TMEM74: variants seen among roughly 807,000 people sequenced by gnomAD.
TMEM74 encodes transmembrane protein 74.
In TMEM74, 13 loss-of-function variants were observed where a neutral mutation model predicts 18.1. That is an observed-to-expected ratio of 0.72 (90% CI 0.47 to 1.14). TMEM74 has a LOEUF of 1.14. TMEM74 is among the 50% of genes most tolerant of loss of function. TMEM74 has a pLI of 0.00. For synonymous variants in TMEM74, 159 were observed against 146.6 expected, an observed-to-expected ratio of 1.08 and a Z score of -0.61; for missense variants, 372 against 375.9, an observed-to-expected ratio of 0.99 and a Z score of 0.09.
At chr8:108,652,447 A>T (rs1361753335) in intron 2 of TMEM74, 1 of 354,734 alleles carries the variant, frequency 2.8e-6, no homozygotes, top group Admixed American at 4.7e-5. Flanking sequence ...AATACCTAAA[A>T]TATCTGAGAG....
At chr8:108,699,891 G>A (rs887748081) in intron 1 of TMEM74, among the ~76,000 whole-genome samples, 1 of 152,232 alleles carries the variant, frequency 6.6e-6, no homozygotes, top group Middle Eastern at 3.4e-3. Flanking sequence ...CCAAACACAG[G>A]TCTATGACAA....
chr8:108,748,804 T>C (rs1342446547), intron 1 of TMEM74, among the ~76,000 whole-genome samples: 4 of 152,124 alleles, frequency 2.6e-5, no homozygotes, highest in African/African-American at 9.7e-5. Context: ...GTTTCAGTTT[T>C]TCTCATGTGG....
chr8:108,675,542 A>C (rs563253083), intron 1 of TMEM74, among the ~76,000 whole-genome samples: 1 of 152,352 alleles, frequency 6.6e-6, no homozygotes, highest in East Asian at 1.9e-4. Flanking sequence ...AAAGTGCTCA[A>C]ATGAATGTTG....
At chr8:108,611,515 G>T (rs1812333418) in intron 2 of TMEM74, among the ~76,000 whole-genome samples, 1 of 152,142 alleles carries the variant, frequency 6.6e-6, no homozygotes, top group South Asian at 2.1e-4. Flanking sequence ...ATACAGTTGT[G>T]CTCATAGAAA....
At chr8:108,646,887 T>C (rs987259674) in intron 2 of TMEM74, among the ~76,000 whole-genome samples, 6 of 152,182 alleles carry the variant, frequency 3.9e-5, no homozygotes, top group East Asian at 3.9e-4. Flanking sequence ...ACATATTACA[T>C]TGGAGAATAA....
chr8:108,753,193 A>G (rs1201105386), intron 1 of TMEM74, among the ~76,000 whole-genome samples: 3 of 152,114 alleles, frequency 2.0e-5, no homozygotes, highest in South Asian at 4.1e-4. Flanking sequence ...TTTCATGTTT[A>G]AGAATGCCAT....
At chr8:108,684,085 A>G (rs1020785410) in intron 1 of TMEM74, among the ~76,000 whole-genome samples, 16 of 152,136 alleles carry the variant, frequency 1.1e-4, no homozygotes, top group Admixed American at 3.9e-4. Context: ...TGTTTCTTCA[A>G]TTTAATGATT....
chr8:108,627,546 C>T (rs982150369), intron 2 of TMEM74, among the ~76,000 whole-genome samples: 4 of 151,990 alleles, frequency 2.6e-5, no homozygotes, highest in African/African-American at 9.7e-5. Flanking sequence ...ACAGTAAGCA[C>T]TCAATAGAGT....
chr8:108,761,329 T>G (rs1260881547), intron 1 of TMEM74, among the ~76,000 whole-genome samples: 1 of 152,106 alleles, frequency 6.6e-6, no homozygotes, highest in African/African-American at 2.4e-5. Flanking sequence ...CTCATAGTGT[T>G]ATTATAAACA....
At chr8:108,700,100 G>A (rs1287627631) in intron 1 of TMEM74, among the ~76,000 whole-genome samples, 1 of 151,422 alleles carries the variant, frequency 6.6e-6, no homozygotes, top group African/African-American at 2.4e-5. Flanking sequence ...TAAAGTATGG[G>A]AAATGGATAA....
downstream of TMEM74, among the ~76,000 whole-genome samples, chr8:108,777,656 C>T (rs1814248537): frequency 6.6e-6 from 1 of 152,146 alleles, no homozygotes; most frequent in Non-Finnish European, 1.5e-5. Context: ...CATATTCCTT[C>T]TAAACTTAAT....
chr8:108,677,903 C>T (rs1813070288), intron 1 of TMEM74, among the ~76,000 whole-genome samples: 1 of 152,116 alleles, frequency 6.6e-6, no homozygotes, highest in South Asian at 2.1e-4. Flanking sequence ...GACCAGCAAG[C>T]GTGACCCAAG....
intron 1 of TMEM74, among the ~76,000 whole-genome samples, chr8:108,701,992 C>A (rs545858122): frequency 6.6e-6 from 1 of 152,148 alleles, no homozygotes; most frequent in South Asian, 2.1e-4. Context: ...CACTACCCAA[C>A]ATTAAGCTTT....
chr8:108,624,085 A>G (rs1486534575), intron 2 of TMEM74, among the ~76,000 whole-genome samples: 1 of 152,094 alleles, frequency 6.6e-6, no homozygotes, highest in Non-Finnish European at 1.5e-5. Flanking sequence ...TTCATCAGCA[A>G]AGTAGGAGAA....
chr8:108,648,620 A>AGCTGG (rs1812743989), intron 2 of TMEM74, among the ~76,000 whole-genome samples: 1 of 152,146 alleles, frequency 6.6e-6, no homozygotes, highest in African/African-American at 2.4e-5. Context: ...AAGATGGGGT[A>AGCTGG]ATGGAAGCCA....
At chr8:108,662,933 G>T (rs914067534) in intron 1 of TMEM74, among the ~76,000 whole-genome samples, 1 of 152,134 alleles carries the variant, frequency 6.6e-6, no homozygotes, top group African/African-American at 2.4e-5. Flanking sequence ...ATGGGGTGTA[G>T]CCTTGTAGTA....
At chr8:108,701,633 T>C (rs1457821224) in intron 1 of TMEM74, among the ~76,000 whole-genome samples, 4 of 152,084 alleles carry the variant, frequency 2.6e-5, no homozygotes, top group Admixed American at 2.6e-4. Context: ...AAAAGCACAA[T>C]ATCATTTAAA....
intron 1 of TMEM74, among the ~76,000 whole-genome samples, chr8:108,772,856 T>C (rs1814188534): frequency 6.6e-6 from 1 of 152,138 alleles, no homozygotes; most frequent in African/African-American, 2.4e-5. Flanking sequence ...ACTTTGCTCA[T>C]GTATAACATA....
At chr8:108,739,446 G>T (rs1813778104) in intron 1 of TMEM74, among the ~76,000 whole-genome samples, 1 of 152,132 alleles carries the variant, frequency 6.6e-6, no homozygotes, top group South Asian at 2.1e-4. Context: ...AAAAGTGGTA[G>T]GACAGTTCAG....
Sources: gnomAD v4.1 joint callset for allele counts (sites outside exome capture counted in the v4.1 genomes callset) on GRCh38, gnomAD v4.1.1 for gene constraint, MANE v1.5 for transcripts, NCBI Gene and HGNC (gene_info 2026-07-23, HGNC 2026-07-21) for gene names.